The following WDPCP variants were observed in gnomAD, a reference collection of about 807,000 sequenced individuals.
WDPCP encodes WD repeat containing planar cell polarity effector, also known as WD repeat-containing and planar cell polarity effector protein fritz homolog.
WDPCP carries 71 observed loss-of-function variants against 93.1 expected under a neutral mutation model. That is an observed-to-expected ratio of 0.76 (90% CI 0.63 to 0.93). The LOEUF is 0.93. Among genes scored for constraint, WDPCP ranks in the 40% least tolerant of loss-of-function variants. WDPCP has a pLI of 0.00. For synonymous variants in WDPCP, 315 were observed against 315.0 expected (o/e 1.00, Z 0.00); for missense variants, 844 against 887.4 (o/e 0.95, Z 0.62).
At chr2:63,558,274 A>C (rs1235226478) in intron 1 of WDPCP, among the ~76,000 whole-genome samples, 3 of 152,126 alleles carry the variant, frequency 2.0e-5, no homozygotes, top group Non-Finnish European at 4.4e-5. Flanking sequence ...TCACGTCTGT[A>C]ATCCCAGCAC....
chr2:63,602,934 CTTTTTTTTTTTTTTTTTTTTTTTTTTTT>C (rs370479356), intron 3 of WDPCP, among the ~76,000 whole-genome samples: 2 of 131,536 alleles, frequency 1.5e-5, no homozygotes, highest in Non-Finnish European at 3.4e-5. Flanking sequence ...TTTAACCGTT[CTTTTTTTTTTTTTTTTTTTTTTTTTTTT>C]TTTTTTTTTT....
chr2:63,743,652 T>A (rs546075658), intron 2 of WDPCP, among the ~76,000 whole-genome samples: 6 of 152,250 alleles, frequency 3.9e-5, no homozygotes, highest in South Asian at 2.1e-4. Flanking sequence ...GGCATTCTAT[T>A]TGAAAGGCCA....
At chr2:63,694,226 G>C (rs1416660298) in intron 2 of WDPCP, among the ~76,000 whole-genome samples, 1 of 152,162 alleles carries the variant, frequency 6.6e-6, no homozygotes, top group Non-Finnish European at 1.5e-5. Flanking sequence ...ATAGATCAAT[G>C]ATTGGTGAAG....
rs566398731 is a variant in WDPCP at position 63,131,518 on chromosome 2, G to A, written c.2191-9462C>T. Among the ~76,000 whole-genome samples, 3 of 151,806 alleles carry A rather than the reference G, an allele frequency of 2.0e-5. No homozygotes were observed. In the East Asian group the frequency reaches 5.8e-4, roughly 29 times the overall value. Reference sequence around the variant, plus strand: ...GTTAAAACTTACATTTATATATTGTGTACTTATTAACTTAGATTTATAGAT... The same window carrying A: ...GTTAAAACTTACATTTATATATTGTATACTTATTAACTTAGATTTATAGAT... On this transcript the variant is annotated intron_variant, in intron 17 of 17. Coordinates refer to ENST00000272321, the MANE Select transcript of WDPCP (RefSeq NM_015910.7).
chr2:63,630,320 C>T (rs1558870843), intron 3 of WDPCP, among the ~76,000 whole-genome samples: 1 of 152,012 alleles, frequency 6.6e-6, no homozygotes. Flanking sequence ...GGTCTAAAGG[C>T]ATCAGTTAAA....
chr2:63,575,504 T>C (rs1708017322), intron 1 of WDPCP, among the ~76,000 whole-genome samples: 1 of 122,414 alleles, frequency 8.2e-6, no homozygotes, highest in Non-Finnish European at 1.7e-5. Context: ...ATACAGTATA[T>C]ACACTGTATA....
intron 17 of WDPCP, among the ~76,000 whole-genome samples, chr2:63,145,006 C>G (rs1459930075): frequency 6.6e-6 from 1 of 152,162 alleles, no homozygotes; most frequent in Non-Finnish European, 1.5e-5. Context: ...GTGAGCTGTA[C>G]TACAGTGATT....
intron 6 of WDPCP, among the ~76,000 whole-genome samples, chr2:63,463,262 T>C (rs557045984): frequency 6.6e-6 from 1 of 152,244 alleles, no homozygotes; most frequent in East Asian, 1.9e-4. Flanking sequence ...ATATGGAGGT[T>C]TTCTACAACC....
chr2:63,565,657 A>G (rs1305401983), intron 1 of WDPCP, among the ~76,000 whole-genome samples: 1 of 152,212 alleles, frequency 6.6e-6, no homozygotes, highest in African/African-American at 2.4e-5. Context: ...AGCAAGCAGG[A>G]AATCACCATA....
chr2:63,160,960 A>C (rs777625169), intron 15 of WDPCP, among the ~76,000 whole-genome samples: 25 of 152,230 alleles, frequency 1.6e-4, no homozygotes, highest in Non-Finnish European at 3.2e-4. Context: ...TGCTTATAGA[A>C]CCATAAGTAA....
chr2:63,196,721 C>G (rs1675461547), intron 14 of WDPCP, among the ~76,000 whole-genome samples: 2 of 152,130 alleles, frequency 1.3e-5, no homozygotes, highest in Non-Finnish European at 2.9e-5. Context: ...GGATATCTAC[C>G]TGAGGTGTTT....
At chr2:63,445,584 AAAAG>A (rs1697803131) in intron 6 of WDPCP, among the ~76,000 whole-genome samples, 1 of 152,316 alleles carries the variant, frequency 6.6e-6, no homozygotes. Flanking sequence ...GGTAGGACAA[AAAAG>A]AAAAAGAGCA....
chr2:63,401,556 T>C (rs1361508617), intron 10 of WDPCP, among the ~76,000 whole-genome samples: 1 of 152,042 alleles, frequency 6.6e-6, no homozygotes, highest in Non-Finnish European at 1.5e-5. Context: ...GGCAGATCAC[T>C]TCAGGTCAGG....
At chr2:63,830,096 A>T (rs1297402761), upstream of WDPCP, among the ~76,000 whole-genome samples, 1 of 152,084 alleles carries the variant, frequency 6.6e-6, no homozygotes, top group Non-Finnish European at 1.5e-5. Context: ...ATGACAAGAG[A>T]AGCATCATCA....
intron 2 of WDPCP, among the ~76,000 whole-genome samples, chr2:63,721,278 AGGTGCTCT>A: frequency 6.6e-6 from 1 of 152,302 alleles, no homozygotes; most frequent in South Asian, 2.1e-4. Flanking sequence ...TCATGAGGGG[AGGTGCTCT>A]GGCTGTTGTA....
intron 1 of WDPCP, among the ~76,000 whole-genome samples, chr2:63,531,139 G>T (rs1225212377): frequency 6.6e-6 from 1 of 152,250 alleles, no homozygotes; most frequent in Non-Finnish European, 1.5e-5. Context: ...GAGGCTGGGG[G>T]AGGGGCATCT....
chr2:63,571,537 C>T (rs1327006891), intron 1 of WDPCP: 5 of 470,634 alleles, frequency 1.1e-5, no homozygotes, highest in Non-Finnish European at 2.2e-5. Flanking sequence ...GTATAGACTT[C>T]CTTTCAGTTT....
intron 14 of WDPCP, among the ~76,000 whole-genome samples, chr2:63,252,956 A>C (rs1416685093): frequency 6.6e-6 from 1 of 152,170 alleles, no homozygotes; most frequent in Non-Finnish European, 1.5e-5. Flanking sequence ...AGATAACCAA[A>C]GCAATCCTAA....
intron 2 of WDPCP, among the ~76,000 whole-genome samples, chr2:63,753,398 C>G (rs776258275): frequency 2.6e-5 from 4 of 152,228 alleles, no homozygotes; most frequent in Non-Finnish European, 5.9e-5. Flanking sequence ...CATTGCACTC[C>G]AGCCTGGGTG....
Sources: gnomAD v4.1 joint callset for allele counts (sites outside exome capture counted in the v4.1 genomes callset) on GRCh38, gnomAD v4.1.1 for gene constraint, MANE v1.5 for transcripts, NCBI Gene and HGNC (gene_info 2026-07-23, HGNC 2026-07-21) for gene names.